Variants in CACNG6 observed in about 807,000 individuals in gnomAD.
CACNG6 encodes calcium voltage-gated channel auxiliary subunit gamma 6, also known as voltage-dependent calcium channel gamma-6 subunit.
Under a neutral mutation model 23.9 loss-of-function variants are expected in CACNG6, and 21 were observed. That is an observed-to-expected ratio of 0.88 (90% CI 0.62 to 1.26). The LOEUF (loss-of-function observed/expected upper bound fraction) is 1.26. Among genes scored for constraint, CACNG6 ranks in the 50% most tolerant of loss-of-function variants. The pLI is 0.00. For missense variants in CACNG6, 340 were observed against 352.9 expected (o/e 0.96, Z 0.29); for synonymous variants, 182 against 168.9 (o/e 1.08, Z -0.60).
In CACNG6 at chr19:53,992,935, C is replaced by G. The variant is rs1381311270; in HGVS notation, c.58C>G (p.Arg20Gly). The change falls in exon 1 of 4, where the codon CGG (arginine) becomes GGG (glycine). Residue 20 changes from arginine to glycine, a missense_variant. Physicochemically the swap from Arg to Gly is moderately radical, Grantham distance 125. Coordinates refer to ENST00000252729, the MANE Select transcript of CACNG6 (RefSeq NM_145814.2). This position sits in a 1 kb window ranked among gnomAD's most constrained non-coding sequence, Gnocchi z 4.1. The part of the protein sequence containing the change: ...EENRRRGAAG[R>G]RRAHGQGRSG... Reference sequence around the variant, plus strand: ...GAACCGGCGGCGGGGGGCCGCGGGCCGGCGGCGGGCGCACGGGCAGGGCAG... The same window carrying G: ...GAACCGGCGGCGGGGGGCCGCGGGCGGGCGGCGGGCGCACGGGCAGGGCAG... 1 of 1,386,206 alleles carries G rather than the reference C, an allele frequency of 7.2e-7. No homozygotes were observed. 85.9% of individuals were successfully genotyped at this position (1,386,206 alleles called of 1,614,324 possible).
intron 2 of CACNG6, among the ~76,000 whole-genome samples, 182 bp downstream of exon 2, chr19:53,998,495 G>T (rs1411179567): frequency 6.9e-6 from 1 of 145,854 alleles, no homozygotes; most frequent in Non-Finnish European, 1.5e-5. Flanking sequence ...TGGTGCTCTA[G>T]AGAATCTAGA....
rs963016013 is a variant in CACNG6, at chr19:53,993,077, C to T, written c.200C>T (p.Thr67Ile). 1.9e-6 allele frequency: 3 copies of T among 1,541,368 alleles called. No homozygotes were observed. The highest frequency in any genetic ancestry group is 2.5e-5 in the East Asian group (1 of 40,304). Residue 67 changes from threonine (T) to isoleucine (I), a missense_variant, in exon 1 of 4, where the codon ACC becomes ATC. Coordinates refer to ENST00000252729, the MANE Select transcript of CACNG6 (RefSeq NM_145814.2). ...ACCGAGTTCTGGGTGGAGCTCAACA[C>T]CTACAAGGCCAACGGCAGCGCCGTG... Reference protein sequence around the residue: ...VGTEFWVELNTYKANGSAVCE... With the variant: ...VGTEFWVELNIYKANGSAVCE...
chr19:53,995,845 A>G (rs2069515771), intron 1 of CACNG6, among the ~76,000 whole-genome samples: 1 of 152,168 alleles, frequency 6.6e-6, no homozygotes, highest in Non-Finnish European at 1.5e-5. Context: ...TATTTTTAGT[A>G]GAGACGGGGT....
chr19:54,004,620 G>A (rs893011419), intron 3 of CACNG6, among the ~76,000 whole-genome samples: 8 of 152,042 alleles, frequency 5.3e-5, no homozygotes, highest in African/African-American at 1.4e-4. Context: ...AAGGCCTCGC[G>A]CGGGCTGACT....
chr19:54,011,598 G>A (rs890396785), intron 3 of CACNG6, among the ~76,000 whole-genome samples: 2 of 151,684 alleles, frequency 1.3e-5, no homozygotes, highest in African/African-American at 4.8e-5. Context: ...CATCAATTCC[G>A]TTCACATTGT....
intron 1 of CACNG6, among the ~76,000 whole-genome samples, chr19:53,995,293 A>T (rs2145953635): frequency 6.6e-6 from 1 of 152,250 alleles, no homozygotes; most frequent in East Asian, 1.9e-4. Context: ...AAAGGACTTC[A>T]GTCTTCCAGC....
intron 3 of CACNG6, among the ~76,000 whole-genome samples, chr19:54,007,597 CAAA>C (rs757065618): frequency 3.9e-5 from 6 of 152,096 alleles, no homozygotes; most frequent in African/African-American, 9.7e-5. Flanking sequence ...TTGAATGAAT[CAAA>C]GAATGCATGA....
rs2069463079 is a variant in CACNG6 at position 53,991,799 on chromosome 19, C to G, written c.-1079C>G. ...CCTGGGGCTGAGCCTGGCGCGAACC[C>G]GACCGGGAAGGCCCTGGGAGCCCGG... On this transcript the variant is annotated 5_prime_UTR_variant, in exon 1 of 4. Transcript: ENST00000252729. Among the ~76,000 whole-genome samples the G allele has an allele frequency of 6.6e-6, 1 of 151,992 alleles. No individual in the cohort carries two copies. The highest frequency in any genetic ancestry group is 1.9e-4 in the East Asian group (1 of 5,152).
chr19:53,992,714 T>G lies in CACNG6; in HGVS notation c.-164T>G. ...CTGAACCCCAGAAGCAATCTCGACT[T>G]TCGCATTTGAGATTCCAGACAGGAC... On this transcript the variant is annotated 5_prime_UTR_variant, in exon 1 of 4. Coordinates refer to ENST00000252729, the MANE Select transcript of CACNG6 (RefSeq NM_145814.2). The surrounding 1 kb of genome is among the most constrained non-coding windows in gnomAD (Gnocchi z 4.1). The G allele has an allele frequency of 2.4e-6, 1 of 415,994 alleles. No homozygotes were observed. The highest frequency in any genetic ancestry group is 4.1e-6 in the Non-Finnish European group (1 of 241,170). 25.8% of individuals were successfully genotyped at this position (415,994 alleles called of 1,614,324 possible).
chr19:53,999,722 A>G lies in CACNG6; in HGVS notation c.495A>G (p.Lys165=). ...GCLCIIMVLS[K]GAEFLLRVGA... is the part of the protein sequence containing the mutation. ...TCTGTATCATCATGGTGCTCAGTAA[A>G]GGTGCAGAGTTCCTGCTCCGAGTTG... The change falls in exon 3 of 4, where the codon AAA becomes AAG. Residue 165 remains lysine, a synonymous_variant. Transcript: ENST00000252729. The G allele has an allele frequency of 1.2e-6, 2 of 1,614,112 alleles. No individual in the cohort carries two copies.
At chr19:53,999,468 A>G (rs2069553258) in intron 2 of CACNG6, among the ~76,000 whole-genome samples, 166 bp from the exon 3 acceptor site, 1 of 152,072 alleles carries the variant, frequency 6.6e-6, no homozygotes, top group Admixed American at 6.6e-5. Flanking sequence ...CTGAGTCTTA[A>G]TTCCTTCAAC....
At chr19:53,995,286 G>A (rs2145953621) in intron 1 of CACNG6, among the ~76,000 whole-genome samples, 1 of 152,148 alleles carries the variant, frequency 6.6e-6, no homozygotes, top group South Asian at 2.1e-4. Context: ...TGATCAGAAA[G>A]GACTTCAGTC....
In CACNG6 at chr19:53,992,062, A is replaced by G. The variant is rs896176945; in HGVS notation, c.-816A>G. On this transcript the variant is annotated 5_prime_UTR_variant, in exon 1 of 4. Coordinates refer to ENST00000252729, the MANE Select transcript of CACNG6 (RefSeq NM_145814.2). The surrounding 1 kb of genome is among the most constrained non-coding windows in gnomAD (Gnocchi z 4.1). ...GGCCACCGGCCCCTTTTCCAGGCTC[A>G]GTAGAGACCTCGGATCTTTTCTGAA... Among the ~76,000 whole-genome samples, 1 of 152,160 alleles carries G rather than the reference A, an allele frequency of 6.6e-6. No individual in the cohort carries two copies. Among genetic ancestry groups the G allele is most frequent in the African/African-American group, 2.4e-5 (1 of 41,440 alleles).
intron 2 of CACNG6, 138 bp from the exon 3 acceptor site, chr19:53,999,496 G>T: frequency 1.1e-6 from 1 of 935,752 alleles, no homozygotes; most frequent in Non-Finnish European, 1.6e-6. Flanking sequence ...GTAAAATGTT[G>T]GGCTGGATGA....
chr19:53,998,326 C>T lies in CACNG6; in HGVS notation c.406+13C>T. 1 of 1,612,364 alleles carries T rather than the reference C, an allele frequency of 6.2e-7. No individual in the cohort carries two copies. Among genetic ancestry groups the T allele is most frequent in the Non-Finnish European group, 8.5e-7 (1 of 1,178,568 alleles). On this transcript the variant is annotated intron_variant, in intron 2 of 3. Transcript: ENST00000252729. ...ACCACAAAGAAAGGTGAGAACTTTTCACCCCCTGCTGGGTGACAGGTGGGG... is the reference window on the plus strand; with the variant it reads ...ACCACAAAGAAAGGTGAGAACTTTTTACCCCCTGCTGGGTGACAGGTGGGG...
chr19:54,002,289 T>G (rs765333799), intron 3 of CACNG6, among the ~76,000 whole-genome samples: 125 of 146,104 alleles, frequency 8.6e-4, no homozygotes, highest in Middle Eastern at 6.9e-3. Context: ...TTTTTGTTTT[T>G]TTTTTTTTTG....
In CACNG6 at chr19:53,992,929, G is replaced by A. The variant is rs1310285013; in HGVS notation, c.52G>A (p.Ala18Thr). 9 of 1,392,318 alleles carry A rather than the reference G, an allele frequency of 6.5e-6. No homozygotes were observed. The highest frequency in any genetic ancestry group is 3.9e-4 in the Middle Eastern group (2 of 5,188). The allele number at this position is 1,392,318 out of a possible 1,614,324, so 86.2% of individuals were successfully genotyped here. Residue 18 changes from alanine to threonine, a missense_variant, in exon 1 of 4, where the codon GCG becomes ACG. Transcript: ENST00000252729. The surrounding 1 kb of genome is among the most constrained non-coding windows in gnomAD (Gnocchi z 4.1). ...LQEENRRRGA[A>T]GRRRAHGQGR... ...AGAGGAGAACCGGCGGCGGGGGGCC[G>A]CGGGCCGGCGGCGGGCGCACGGGCA...
intron 1 of CACNG6, 82 bp from the exon 2 acceptor site, chr19:53,998,157 G>A (rs1600055544): frequency 6.6e-6 from 8 of 1,217,832 alleles, no homozygotes; most frequent in Middle Eastern, 1.9e-4. Flanking sequence ...TTAGGCTCCC[G>A]TGGGCTGTTA....
Position 53,992,675 on chromosome 19 carries a change from A to G in CACNG6, c.-203A>G. 2.7e-6 allele frequency: 1 copy of G among 370,276 alleles called. No individual in the cohort carries two copies. The highest frequency in any genetic ancestry group is 4.8e-6 in the Non-Finnish European group (1 of 209,112). The allele number at this position is 370,276 out of a possible 1,614,324, so 22.9% of individuals were successfully genotyped here. On this transcript the variant is annotated 5_prime_UTR_variant, in exon 1 of 4. Coordinates refer to ENST00000252729, the MANE Select transcript of CACNG6 (RefSeq NM_145814.2). The surrounding 1 kb of genome is among the most constrained non-coding windows in gnomAD (Gnocchi z 4.1). ...CCCAGAGGCTTCCCCAGCCCTGGGG[A>G]TCATTTTTCTCTTCTGAACCCCAGA...
Sources: allele counts gnomAD v4.1 joint callset (sites outside exome capture counted in the v4.1 genomes callset), GRCh38; gene constraint gnomAD v4.1.1; non-coding constraint Gnocchi (gnomAD v3.1); transcripts MANE v1.5; gene names NCBI Gene and HGNC (gene_info 2026-07-23, HGNC 2026-07-21).